Variants in VPS4B observed in about 807,000 individuals in gnomAD.
VPS4B encodes vacuolar protein sorting-associated protein 4B.
A neutral mutation model predicts 56.1 loss-of-function variants in VPS4B; 23 were observed. The observed-to-expected ratio is 0.41, with a 90% CI of 0.30 to 0.58. The LOEUF (loss-of-function observed/expected upper bound fraction) is 0.58, where lower values mean the gene tolerates loss of function less well. Among genes scored for constraint, VPS4B ranks in the 20% least tolerant of loss-of-function variants. The pLI, the probability that VPS4B is intolerant of heterozygous loss-of-function variation, is 0.29. For missense variants in VPS4B, 372 were observed against 531.9 expected, an observed-to-expected ratio of 0.70 and a Z score of 2.96; for synonymous variants, 177 against 186.0, an observed-to-expected ratio of 0.95 and a Z score of 0.39.
intron 7 of VPS4B, 30 bp from the exon 8 acceptor site, chr18:63,399,353 AT>A (rs1434470818): frequency 1.9e-6 from 3 of 1,592,216 alleles, no homozygotes; most frequent in South Asian, 2.2e-5. Flanking sequence ...GCTTTAATTA[AT>A]TTGTCATTTT....
At position 63,400,085 on chromosome 18, in the gene VPS4B, T is replaced by G; in HGVS notation, c.753A>C (p.Ala251=). The G allele has an allele frequency of 6.2e-7, 1 of 1,612,624 alleles. No homozygotes were observed. Among genetic ancestry groups the G allele is most frequent in the Admixed American group, 1.7e-5 (1 of 59,554 alleles). ...GSRSENESEA[A]RRIKTEFLVQ... is the part of the protein sequence containing the mutation. Reference sequence around the variant, plus strand: ...CTAGGAACTCCGTCTTAATTCTACGTGCGGCTTCACTTTCATTTTCACTTC... The same window carrying G: ...CTAGGAACTCCGTCTTAATTCTACGGGCGGCTTCACTTTCATTTTCACTTC... Residue 251 remains alanine, a synonymous_variant, in exon 7 of 11, where the codon GCA becomes GCC. Coordinates refer to ENST00000238497, the MANE Select transcript of VPS4B (RefSeq NM_004869.4).
In VPS4B at chr18:63,396,743, C is replaced by T. The variant is rs1290697761; in HGVS notation, c.1092+291G>A. 23 of 349,114 alleles carry T rather than the reference C, an allele frequency of 6.6e-5. No individual in the cohort carries two copies. The Admixed American group carries it at 1.0e-3, about 16-fold the overall frequency. 21.6% of individuals were successfully genotyped at this position (349,114 alleles called of 1,614,324 possible). The stretch of plus-strand genomic sequence containing the variant: ...AAGGGCCAGGCGCAGTGGCTCACGC[C>T]TTTGGGAGGCCGAGGTGGGTGGATC... On this transcript the variant is annotated intron_variant, in intron 9 of 10. Transcript: ENST00000238497.
intron 1 of VPS4B, among the ~76,000 whole-genome samples, chr18:63,416,704 T>C (rs368163660): frequency 2.6e-5 from 4 of 152,274 alleles, no homozygotes; most frequent in South Asian, 2.1e-4. Flanking sequence ...TGAAATAACC[T>C]GGGCCCTAGC....
chr18:63,390,996 T>A lies in VPS4B; in HGVS notation c.1314A>T (p.Glu438Asp). The change falls in exon 11 of 11, where the codon GAA becomes GAT. Residue 438 changes from glutamate (E) to aspartate (D), a missense_variant. Glu to Asp is a conservative substitution (Grantham distance 45). Transcript: ENST00000238497. Reference protein sequence around the residue: ...HDLLKLKKFTEDFGQEG With the variant: ...HDLLKLKKFTDDFGQEG ...TGGCTTAGCCTTCTTGACCAAAATC[T>A]TCTGTAAACTTCTTTAATTTCAACA... is the stretch of plus-strand genomic sequence containing the variant. 1.2e-6 allele frequency: 2 copies of A among 1,613,074 alleles called. No individual in the cohort carries two copies. Among genetic ancestry groups the A allele is most frequent in the Non-Finnish European group, 1.7e-6 (2 of 1,179,252 alleles).
In VPS4B at chr18:63,409,052, T is replaced by C. The variant is rs138557330; in HGVS notation, c.296+1238A>G. Reference sequence around the variant, plus strand: ...TTTATACCAAATGTCCTCACTTTCATATAAGAAACCCTAAGTTGGAATTCA... The same window carrying C: ...TTTATACCAAATGTCCTCACTTTCACATAAGAAACCCTAAGTTGGAATTCA... On this transcript the variant is annotated intron_variant, in intron 3 of 10. Coordinates refer to ENST00000238497, the MANE Select transcript of VPS4B (RefSeq NM_004869.4). 1.4e-3 allele frequency among the ~76,000 whole-genome samples: 207 copies of C among 152,344 alleles called. 1 individual carries two copies. The highest frequency in any genetic ancestry group is 4.8e-3 in the African/African-American group (201 of 41,586).
At chr18:63,418,707 AC>A (rs1864689934) in intron 1 of VPS4B, among the ~76,000 whole-genome samples, 1 of 152,068 alleles carries the variant, frequency 6.6e-6, no homozygotes, top group Non-Finnish European at 1.5e-5. Context: ...GCCTGGTTTT[AC>A]TTTTGATTCA....
At chr18:63,391,663 CA>C (rs1322524926) in intron 10 of VPS4B, among the ~76,000 whole-genome samples, 1 of 152,222 alleles carries the variant, frequency 6.6e-6, no homozygotes, top group African/African-American at 2.4e-5. Flanking sequence ...GTCTGAGGAT[CA>C]AGGCCTCCAA....
chr18:63,407,410 T>C, intron 4 of VPS4B, 22 bp downstream of exon 4: 1 of 1,581,418 alleles, frequency 6.3e-7, no homozygotes, highest in Non-Finnish European at 8.6e-7. Flanking sequence ...ATAGTAAATT[T>C]AAAAATGAAA....
chr18:63,397,008 G>C, intron 9 of VPS4B, 26 bp downstream of exon 9: 1 of 1,582,430 alleles, frequency 6.3e-7, no homozygotes, highest in Non-Finnish European at 8.6e-7. Context: ...AAAAAAGATA[G>C]GAAAGGATAG....
At chr18:63,407,530 A>G (rs1915944294) in intron 3 of VPS4B, 31 bp from the exon 4 acceptor site, 1 of 1,541,012 alleles carries the variant, frequency 6.5e-7, no homozygotes, top group Non-Finnish European at 8.8e-7. Flanking sequence ...TATTCAAATG[A>G]TCACTCATTG....
At chr18:63,414,635 A>G (rs1916122681) in intron 1 of VPS4B, among the ~76,000 whole-genome samples, 1 of 151,758 alleles carries the variant, frequency 6.6e-6, no homozygotes, top group Non-Finnish European at 1.5e-5. Context: ...GGATTTCACC[A>G]TGTTGGCCAG....
intron 5 of VPS4B, 25 bp from the exon 6 acceptor site, chr18:63,400,728 T>C (rs754423299): frequency 6.9e-6 from 11 of 1,586,156 alleles, no homozygotes; most frequent in Non-Finnish European, 8.5e-6. Context: ...TAGAAAAATG[T>C]CATGAGAATT....
At position 63,400,250 on chromosome 18, in the gene VPS4B, A is replaced by G. The variant is rs755363577; in HGVS notation, c.642-54T>C. The G allele has an allele frequency of 1.3e-5, 19 of 1,502,618 alleles. No individual in the cohort carries two copies. The Middle Eastern group carries it at 7.2e-4, about 57-fold the overall frequency. 93.1% of individuals were successfully genotyped at this position (1,502,618 alleles called of 1,614,324 possible). ...CTAAAAAATAGTAAAAGATTAAAAC[A>G]AAGTAATATATCAATATTACAAGAA... On this transcript the variant is annotated intron_variant, in intron 6 of 10. Transcript: ENST00000238497.
chr18:63,396,686 G>A (rs17071045), intron 9 of VPS4B: 35,834 of 222,706 alleles, frequency 0.16, 3,328 homozygotes, highest in East Asian at 0.34. Context: ...AACCAATGAC[G>A]GTCTTGAAAC....
chr18:63,401,317 C>T (rs1915801795), intron 5 of VPS4B, among the ~76,000 whole-genome samples: 1 of 152,038 alleles, frequency 6.6e-6, no homozygotes, highest in Non-Finnish European at 1.5e-5. Context: ...GGCAGTGGTG[C>T]GATCTCGGCT....
intron 5 of VPS4B, among the ~76,000 whole-genome samples, chr18:63,401,736 T>C (rs551611378): frequency 6.6e-6 from 1 of 152,170 alleles, no homozygotes; most frequent in African/African-American, 2.4e-5. Flanking sequence ...CTCATGTATG[T>C]AATCCCAGCA....
chr18:63,422,114 C>T (rs967587306), intron 1 of VPS4B, 119 bp downstream of exon 1: 6 of 1,171,208 alleles, frequency 5.1e-6, no homozygotes, highest in Non-Finnish European at 4.5e-6. Flanking sequence ...CCCGGACCCG[C>T]CCTCCTGCGC....
intron 8 of VPS4B, among the ~76,000 whole-genome samples, chr18:63,398,267 T>A (rs1277095194): frequency 6.6e-6 from 1 of 150,998 alleles, no homozygotes; most frequent in African/African-American, 2.5e-5. Flanking sequence ...CAAGCTGGAG[T>A]GCAGTGGCAC....
intron 5 of VPS4B, 107 bp downstream of exon 5, chr18:63,403,600 A>C (rs1915857377): frequency 8.2e-7 from 1 of 1,212,160 alleles, no homozygotes; most frequent in African/African-American, 1.5e-5. Context: ...TAACAGTCAC[A>C]ATTTATTTAA....
Sources: allele counts gnomAD v4.1 joint callset (sites outside exome capture counted in the v4.1 genomes callset), GRCh38; gene constraint gnomAD v4.1.1; transcripts MANE v1.5; gene names NCBI Gene and HGNC (gene_info 2026-07-23, HGNC 2026-07-21).